The following DGKI variants were observed in gnomAD, a reference collection of about 807,000 sequenced individuals.
DGKI encodes diacylglycerol kinase iota.
DGKI carries 55 observed loss-of-function variants against 147.5 expected under a neutral mutation model. The observed-to-expected ratio is 0.37, with a 90% CI of 0.30 to 0.47. The LOEUF (loss-of-function observed/expected upper bound fraction) is 0.47. Among genes scored for constraint, DGKI ranks in the 20% least tolerant of loss-of-function variants. The pLI, the probability that DGKI is intolerant of heterozygous loss-of-function variation, is 1.00. For synonymous variants in DGKI, 469 were observed against 477.1 expected, an observed-to-expected ratio of 0.98 and a Z score of 0.22; for missense variants, 1,007 against 1,323.8, an observed-to-expected ratio of 0.76 and a Z score of 3.71.
intron 21 of DGKI, among the ~76,000 whole-genome samples, chr7:137,512,528 A>C (rs748606364): frequency 1.3e-4 from 20 of 152,172 alleles, no homozygotes; most frequent in Non-Finnish European, 2.8e-4. Context: ...ACAGCAACCA[A>C]ATGGACTAGG....
At chr7:137,626,187 C>T (rs997690305) in intron 6 of DGKI, among the ~76,000 whole-genome samples, 5 of 152,106 alleles carry the variant, frequency 3.3e-5, no homozygotes, top group Non-Finnish European at 5.9e-5. Flanking sequence ...TCCTGTGTGT[C>T]CTCCTAGTGA....
chr7:137,515,277 C>T (rs532375006), intron 21 of DGKI, among the ~76,000 whole-genome samples: 2 of 152,160 alleles, frequency 1.3e-5, no homozygotes, highest in Non-Finnish European at 2.9e-5. Flanking sequence ...ATAGCACTTG[C>T]TGCCATATTG....
chr7:137,614,070 G>A lies in DGKI; in HGVS notation c.994-4461C>T, dbSNP rs555476411. On this transcript the variant is annotated intron_variant, in intron 8 of 32. Coordinates refer to ENST00000614521, the MANE Select transcript of DGKI (RefSeq NM_001321708.2). The stretch of plus-strand genomic sequence containing the variant: ...GGGAGCATATTTATATATTACTCAT[G>A]TTACTACAAACGAAACAATAAAAGA... 5.9e-5 allele frequency among the ~76,000 whole-genome samples: 9 copies of A among 152,254 alleles called. 1 individual carries two copies. The South Asian group carries it at 1.7e-3, about 28-fold the overall frequency.
chr7:137,742,164 T>C (rs761364835), intron 1 of DGKI, among the ~76,000 whole-genome samples: 24 of 152,262 alleles, frequency 1.6e-4, no homozygotes, highest in Non-Finnish European at 2.6e-4. Flanking sequence ...ACTCACACTG[T>C]TCTCATATGC....
intron 3 of DGKI, among the ~76,000 whole-genome samples, chr7:137,668,639 T>G (rs189258964): frequency 1.3e-4 from 20 of 152,344 alleles, no homozygotes; most frequent in Middle Eastern, 6.8e-3. Context: ...AAATGGAGCT[T>G]ATGCTGTAGT....
chr7:137,643,150 G>A (rs1453937126), intron 6 of DGKI, among the ~76,000 whole-genome samples: 2 of 151,662 alleles, frequency 1.3e-5, no homozygotes, highest in African/African-American at 4.8e-5. Flanking sequence ...AATTAGCCGG[G>A]CGTGTTGGCG....
At chr7:137,722,291 G>T in intron 1 of DGKI, 7 of 1,611,696 alleles carry the variant, frequency 4.3e-6, no homozygotes, top group Non-Finnish European at 5.9e-6. Context: ...GACAAGAACG[G>T]CAGTACCCGG....
At chr7:137,720,114 T>A (rs1183150645) in intron 1 of DGKI, among the ~76,000 whole-genome samples, 1 of 152,160 alleles carries the variant, frequency 6.6e-6, no homozygotes, top group African/African-American at 2.4e-5. Flanking sequence ...ACACAGCAGA[T>A]CCTTTAAGTT....
intron 19 of DGKI, 44 bp downstream of exon 19, chr7:137,571,131 G>A (rs1345691999): frequency 7.1e-7 from 1 of 1,404,002 alleles, no homozygotes; most frequent in East Asian, 2.4e-5. Context: ...TAAACTCTGT[G>A]ACTAAAATAC....
chr7:137,464,125 C>G (rs1216123786), intron 26 of DGKI, among the ~76,000 whole-genome samples: 3 of 151,860 alleles, frequency 2.0e-5, no homozygotes, highest in African/African-American at 4.8e-5. Flanking sequence ...GGCGTGGTGG[C>G]AGGCGCCTGT....
chr7:137,479,158 T>C (rs894282916), intron 23 of DGKI, among the ~76,000 whole-genome samples: 1 of 152,180 alleles, frequency 6.6e-6, no homozygotes, highest in African/African-American at 2.4e-5. Flanking sequence ...TTCATATAAA[T>C]GGTGTGATTT....
intron 6 of DGKI, among the ~76,000 whole-genome samples, chr7:137,624,142 A>G (rs1046118056): frequency 1.3e-5 from 2 of 152,246 alleles, no homozygotes; most frequent in Admixed American, 6.5e-5. Flanking sequence ...GATGAAATCA[A>G]TGAAATGGTA....
intron 1 of DGKI, among the ~76,000 whole-genome samples, chr7:137,702,762 T>C (rs1404287672): frequency 6.6e-6 from 1 of 152,198 alleles, no homozygotes; most frequent in Non-Finnish European, 1.5e-5. Context: ...ATGTGCCATG[T>C]CTGACATTCT....
chr7:137,432,820 C>T (rs759161597), intron 28 of DGKI, among the ~76,000 whole-genome samples: 1 of 152,124 alleles, frequency 6.6e-6, no homozygotes, highest in Non-Finnish European at 1.5e-5. Flanking sequence ...AAGGTCCTTC[C>T]TTCCCAATAT....
chr7:137,785,187 A>G (rs1393240796), intron 1 of DGKI, among the ~76,000 whole-genome samples: 2 of 152,128 alleles, frequency 1.3e-5, no homozygotes, highest in African/African-American at 4.8e-5. Flanking sequence ...TTAAACAAAA[A>G]GCTGGTTCTT....
In DGKI at chr7:137,427,647, C is replaced by A. The variant is rs967691433; in HGVS notation, c.2762-15440G>T. Reference sequence around the variant, plus strand: ...TGAAAGGATCAACAAAATTGATAGACCACTAGCAAGACTAATAAAGAAAAA... The same window carrying A: ...TGAAAGGATCAACAAAATTGATAGAACACTAGCAAGACTAATAAAGAAAAA... On this transcript the variant is annotated intron_variant, in intron 28 of 32. Coordinates refer to ENST00000614521, the MANE Select transcript of DGKI (RefSeq NM_001321708.2). Among the ~76,000 whole-genome samples the A allele has an allele frequency of 7.2e-5, 11 of 151,886 alleles. No individual in the cohort carries two copies. The South Asian group carries it at 1.0e-3, about 14-fold the overall frequency.
intron 31 of DGKI, among the ~76,000 whole-genome samples, chr7:137,396,768 TG>T (rs1562993421): frequency 6.6e-6 from 1 of 152,232 alleles, no homozygotes; most frequent in Admixed American, 6.5e-5. Context: ...TGTTCCTGTT[TG>T]GGGAGCAGTA....
At chr7:137,558,276 T>C (rs1445215598) in intron 19 of DGKI, among the ~76,000 whole-genome samples, 1 of 152,114 alleles carries the variant, frequency 6.6e-6, no homozygotes, top group Non-Finnish European at 1.5e-5. Context: ...TTTTTTATTA[T>C]TTTATTTATT....
chr7:137,683,239 G>T (rs960669098), intron 2 of DGKI, among the ~76,000 whole-genome samples: 5 of 151,712 alleles, frequency 3.3e-5, no homozygotes, highest in African/African-American at 1.2e-4. Flanking sequence ...CCCTTGTTCA[G>T]AATGCTTAGA....
Sources: allele counts gnomAD v4.1 joint callset (sites outside exome capture counted in the v4.1 genomes callset), GRCh38; gene constraint gnomAD v4.1.1; transcripts MANE v1.5; gene names NCBI Gene and HGNC (gene_info 2026-07-23, HGNC 2026-07-21).